DIAPH3: variants seen among roughly 807,000 people sequenced by gnomAD.
DIAPH3 encodes the protein diaphanous related formin 3, also known as protein diaphanous homolog 3.
In DIAPH3, 117 loss-of-function variants were observed where a neutral mutation model predicts 144.3. That is an observed-to-expected ratio of 0.81 (90% CI 0.70 to 0.95). DIAPH3 has a LOEUF of 0.95. Among genes scored for constraint, DIAPH3 ranks in the 40% least tolerant of loss-of-function variants. The probability of loss-of-function intolerance (pLI) is 0.00; values close to 1 mark genes in which losing one functional copy is unlikely to be tolerated. For missense variants in DIAPH3, 1,421 were observed against 1,412.7 expected, an observed-to-expected ratio of 1.01 and a Z score of -0.09; for synonymous variants, 519 against 488.9, an observed-to-expected ratio of 1.06 and a Z score of -0.81.
At chr13:60,131,761 A>G (rs2059148853) in intron 2 of DIAPH3, among the ~76,000 whole-genome samples, 1 of 152,242 alleles carries the variant, frequency 6.6e-6, no homozygotes, top group South Asian at 2.1e-4. Flanking sequence ...GCTGTTACAA[A>G]TATATCATTG....
intron 22 of DIAPH3, among the ~76,000 whole-genome samples, chr13:59,847,582 G>T (rs2042717927): frequency 6.6e-6 from 1 of 152,064 alleles, no homozygotes; most frequent in Non-Finnish European, 1.5e-5. Flanking sequence ...TCAAAACCAT[G>T]GTATAAATAT....
intron 22 of DIAPH3, among the ~76,000 whole-genome samples, chr13:59,860,467 G>A (rs937135206): frequency 9.2e-5 from 14 of 152,232 alleles, no homozygotes; most frequent in South Asian, 8.3e-4. Flanking sequence ...GGCCGGGCGC[G>A]GTGGCTCATG....
intron 21 of DIAPH3, among the ~76,000 whole-genome samples, chr13:59,871,952 G>A (rs1593770054): frequency 6.6e-6 from 1 of 152,038 alleles, no homozygotes; most frequent in Non-Finnish European, 1.5e-5. Flanking sequence ...TTTCGTTTTT[G>A]ATATGGGCAA....
chr13:60,056,539 G>A (rs1483751407), intron 4 of DIAPH3, among the ~76,000 whole-genome samples: 1 of 151,656 alleles, frequency 6.6e-6, no homozygotes, highest in Non-Finnish European at 1.5e-5. Flanking sequence ...TAAGGGCCTA[G>A]AAGATATACC....
chr13:59,891,213 TG>T (rs978564393), intron 20 of DIAPH3, among the ~76,000 whole-genome samples: 53 of 152,228 alleles, frequency 3.5e-4, no homozygotes, highest in African/African-American at 1.3e-3. Context: ...CAATGTTGTT[TG>T]CAAAGTGATG....
chr13:60,093,628 T>C lies in DIAPH3; in HGVS notation c.495A>G (p.Thr165=), dbSNP rs750839411. The C allele has an allele frequency of 2.5e-6, 4 of 1,594,816 alleles. No homozygotes were observed. Among genetic ancestry groups the C allele is most frequent in the Non-Finnish European group, 3.4e-6 (4 of 1,163,866 alleles). ...TTTTCAACTTGACAGTTTTACTTAC[T>C]GTCTTAGAAGCAGTATTAATGTACT... ...VMQYINTASK[T]GSLKRSRQIS... The change falls in exon 4 of 28, where the codon ACA becomes ACG. Residue 165 remains threonine, a splice_region_variant and synonymous_variant. Coordinates refer to ENST00000400324, the MANE Select transcript of DIAPH3 (RefSeq NM_001042517.2).
rs2039451950 is a variant in DIAPH3, at chr13:59,793,960, T to G, written c.3163+16828A>C. On this transcript the variant is annotated intron_variant, in intron 25 of 27. Coordinates refer to ENST00000400324, the MANE Select transcript of DIAPH3 (RefSeq NM_001042517.2). ...AATACAGACTGTTCCCAACTTACAA[T>G]TTTTTGACTTTACAATCAAGCAAAG... 3.9e-5 allele frequency among the ~76,000 whole-genome samples: 6 copies of G among 152,176 alleles called. No individual in the cohort carries two copies. The South Asian group carries it at 1.2e-3, about 32-fold the overall frequency.
chr13:60,101,139 G>A (rs117993208), intron 3 of DIAPH3, among the ~76,000 whole-genome samples: 97 of 152,252 alleles, frequency 6.4e-4, no homozygotes, highest in South Asian at 3.3e-3. Flanking sequence ...ACATTCATAA[G>A]CATTACTTAA....
At position 59,991,198 on chromosome 13, in the gene DIAPH3, GA is replaced by G. The variant is rs775033653; in HGVS notation, c.1320del (p.Leu441PhefsTer6). 1 of 1,610,658 alleles carries G rather than the reference GA, an allele frequency of 6.2e-7. No individual in the cohort carries two copies. Among genetic ancestry groups the G allele is most frequent in the East Asian group, 2.2e-5 (1 of 44,694 alleles). On this transcript the variant is annotated frameshift_variant, in exon 12 of 28. Coordinates refer to ENST00000400324, the MANE Select transcript of DIAPH3 (RefSeq NM_001042517.2). LOFTEE classifies it high-confidence loss of function. ...TTTCGAATCAGCAAAAGATGCTGAA[GA>G]ATAGAAATAAAATATCCCTCTGCTC... is the stretch of plus-strand genomic sequence containing the variant. The part of the protein sequence containing the change: ...ETRAEGYFIS[I>X]LQHLLLIRND...
At chr13:59,865,099 C>A (rs1211695650) in intron 21 of DIAPH3, among the ~76,000 whole-genome samples, 3 of 151,960 alleles carry the variant, frequency 2.0e-5, no homozygotes, top group African/African-American at 7.2e-5. Context: ...AAAAATTTCA[C>A]AATGCTGCCA....
At chr13:60,056,646 C>A (rs1380738829) in intron 4 of DIAPH3, among the ~76,000 whole-genome samples, 3 of 151,720 alleles carry the variant, frequency 2.0e-5, no homozygotes, top group East Asian at 3.9e-4. Flanking sequence ...ATGTCTGACT[C>A]CAAGGCTGGG....
chr13:60,051,662 A>AT (rs893401768), intron 4 of DIAPH3, among the ~76,000 whole-genome samples: 23 of 152,214 alleles, frequency 1.5e-4, no homozygotes, highest in African/African-American at 4.8e-4. Context: ...ATGACAGAGG[A>AT]TGTGCCCTAC....
intron 9 of DIAPH3, among the ~76,000 whole-genome samples, chr13:59,995,302 C>A (rs559871148): frequency 6.6e-6 from 1 of 151,986 alleles, no homozygotes; most frequent in East Asian, 1.9e-4. Flanking sequence ...AATCTCTGTG[C>A]TCTAGTTGAT....
chr13:60,153,404 C>G (rs976767136), intron 1 of DIAPH3: 3 of 152,006 alleles, frequency 2.0e-5, no homozygotes, highest in Non-Finnish European at 4.4e-5. Context: ...AGGTTTATAA[C>G]AGTTCACTAC....
At chr13:60,131,817 C>T (rs75870127) in intron 2 of DIAPH3, among the ~76,000 whole-genome samples, 6,239 of 152,238 alleles carry the variant, frequency 0.041, 178 homozygotes, top group East Asian at 0.1. Context: ...GGTTTATCAG[C>T]CTTAAGAAGC....
At chr13:59,846,928 G>C (rs1205249459) in intron 22 of DIAPH3, among the ~76,000 whole-genome samples, 1 of 151,952 alleles carries the variant, frequency 6.6e-6, no homozygotes, top group Non-Finnish European at 1.5e-5. Context: ...TTTTTAAAAA[G>C]ATTAGCCAGG....
intron 4 of DIAPH3, among the ~76,000 whole-genome samples, chr13:60,084,953 A>G (rs1323114090): frequency 6.6e-6 from 1 of 151,568 alleles, no homozygotes; most frequent in Non-Finnish European, 1.5e-5. Flanking sequence ...CCTATTAAGG[A>G]TTTTTTTTTA....
intron 4 of DIAPH3, among the ~76,000 whole-genome samples, chr13:60,045,872 C>A (rs1238991636): frequency 1.3e-5 from 2 of 152,060 alleles, no homozygotes; most frequent in Non-Finnish European, 1.5e-5. Context: ...TGGATAAGAA[C>A]AAAAGTGATA....
Position 59,666,778 on chromosome 13 carries a change from T to G in DIAPH3, c.3388A>C (p.Thr1130Pro). The change falls in exon 28 of 28, where the codon ACT (threonine) becomes CCT (proline). Residue 1130 changes from threonine to proline, a missense_variant. Physicochemically the swap from Thr to Pro is conservative, Grantham distance 38. Transcript: ENST00000400324. ...TAATTAAGCTCCTTGGCGACTGGAGTCCTTGTTGAGTTGCAATTGATATTG... is the reference window on the plus strand; with the variant it reads ...TAATTAAGCTCCTTGGCGACTGGAGGCCTTGTTGAGTTGCAATTGATATTG... ...HYNINCNSTR[T>P]PVAKELNYNL... The G allele has an allele frequency of 6.2e-7, 1 of 1,614,098 alleles. No homozygotes were observed. The highest frequency in any genetic ancestry group is 8.5e-7 in the Non-Finnish European group (1 of 1,180,010).
Sources: gnomAD v4.1 joint callset for allele counts (sites outside exome capture counted in the v4.1 genomes callset) on GRCh38, gnomAD v4.1.1 for gene constraint, MANE v1.5 for transcripts, NCBI Gene and HGNC (gene_info 2026-07-23, HGNC 2026-07-21) for gene names.